MARCHF3: variants seen among roughly 807,000 people sequenced by gnomAD.
MARCHF3 encodes the protein E3 ubiquitin-protein ligase MARCHF3.
In MARCHF3, 13 loss-of-function variants were observed where a neutral mutation model predicts 24.2. That is an observed-to-expected ratio of 0.54 (90% CI 0.35 to 0.85). MARCHF3 has a LOEUF of 0.85. Among genes scored for constraint, MARCHF3 ranks in the 40% least tolerant of loss-of-function variants. MARCHF3 has a pLI of 0.01. For synonymous variants in MARCHF3, 144 were observed against 137.3 expected (o/e 1.05, Z -0.34); for missense variants, 276 against 325.0 (o/e 0.85, Z 1.16).
rs1205392314 is a variant in MARCHF3 at position 126,870,182 on chromosome 5, C to A, written c.*451G>T. Reference sequence around the variant, plus strand: ...AGAATCCATACGAGAAACTGAGAAACAAACTAACTCAAATAAGACCCAACC... The same window carrying A: ...AGAATCCATACGAGAAACTGAGAAAAAAACTAACTCAAATAAGACCCAACC... On this transcript the variant is annotated 3_prime_UTR_variant, in exon 5 of 5. Coordinates refer to ENST00000308660, the MANE Select transcript of MARCHF3 (RefSeq NM_178450.5). 6.6e-6 allele frequency: 1 copy of A among 152,656 alleles called. No individual in the cohort carries two copies. 9.5% of individuals were successfully genotyped at this position (152,656 alleles called of 1,614,324 possible). A position where few individuals can be genotyped will look rare whatever the true frequency, so the allele number is the denominator to read the frequency against.
At chr5:126,959,016 G>T (rs1750547319) in intron 1 of MARCHF3, among the ~76,000 whole-genome samples, 1 of 152,178 alleles carries the variant, frequency 6.6e-6, no homozygotes, top group South Asian at 2.1e-4. Flanking sequence ...CAAATCTCTT[G>T]TGCAGATGAA....
intron 1 of MARCHF3, among the ~76,000 whole-genome samples, chr5:126,988,777 T>C (rs1457966961): frequency 1.3e-5 from 2 of 152,200 alleles, no homozygotes; most frequent in African/African-American, 2.4e-5. Flanking sequence ...AGTAAACTAC[T>C]ATTACATCAG....
intron 1 of MARCHF3, among the ~76,000 whole-genome samples, chr5:126,961,904 C>T (rs991641143): frequency 6.6e-6 from 1 of 152,126 alleles, no homozygotes; most frequent in Non-Finnish European, 1.5e-5. Flanking sequence ...AATATAAACA[C>T]AAAGAAGAAT....
intron 1 of MARCHF3, among the ~76,000 whole-genome samples, chr5:127,012,652 A>G (rs937230653): frequency 1.3e-4 from 20 of 152,216 alleles, no homozygotes; most frequent in South Asian, 8.3e-4. Flanking sequence ...GGCAAAAACT[A>G]AAAGCTCACT....
At chr5:126,916,191 T>C (rs1302728087) in intron 2 of MARCHF3, among the ~76,000 whole-genome samples, 1 of 152,222 alleles carries the variant, frequency 6.6e-6, no homozygotes, top group African/African-American at 2.4e-5. Flanking sequence ...GGAGGTACCC[T>C]GCCCTGGGAG....
At chr5:126,897,763 G>T (rs1047486668) in intron 3 of MARCHF3, among the ~76,000 whole-genome samples, 1 of 152,046 alleles carries the variant, frequency 6.6e-6, no homozygotes, top group Admixed American at 6.6e-5. Flanking sequence ...CAGTGCACAG[G>T]GTAAGGCCTC....
intron 4 of MARCHF3, among the ~76,000 whole-genome samples, chr5:126,876,160 TCTTC>T (rs1232542417): frequency 6.6e-6 from 1 of 152,206 alleles, no homozygotes; most frequent in Admixed American, 6.5e-5. Flanking sequence ...ACCTTTCTTT[TCTTC>T]CTTTCTTCCT....
At chr5:126,878,031 T>C (rs1056754509) in intron 4 of MARCHF3, among the ~76,000 whole-genome samples, 154 bp downstream of exon 4, 7 of 151,628 alleles carry the variant, frequency 4.6e-5, no homozygotes, top group Admixed American at 3.9e-4. Context: ...CACACACACA[T>C]AGTCATAAAC....
chr5:126,915,807 C>T (rs979914996), intron 2 of MARCHF3, among the ~76,000 whole-genome samples: 1 of 152,214 alleles, frequency 6.6e-6, no homozygotes, highest in East Asian at 1.9e-4. Context: ...ACCACTCCTA[C>T]ACATTTCATA....
At chr5:126,947,333 G>A (rs1396568842) in intron 1 of MARCHF3, among the ~76,000 whole-genome samples, 3 of 152,196 alleles carry the variant, frequency 2.0e-5, no homozygotes, top group South Asian at 4.1e-4. Flanking sequence ...CCTGATAAAA[G>A]TGGCTAAAAA....
At chr5:126,906,830 T>G (rs1032546891) in intron 3 of MARCHF3, among the ~76,000 whole-genome samples, 2 of 152,180 alleles carry the variant, frequency 1.3e-5, no homozygotes, top group African/African-American at 2.4e-5. Flanking sequence ...AGTTCTGCTC[T>G]GATTTTAGTT....
intron 3 of MARCHF3, among the ~76,000 whole-genome samples, chr5:126,889,560 C>A (rs1284674091): frequency 2.0e-5 from 3 of 152,062 alleles, no homozygotes; most frequent in Non-Finnish European, 4.4e-5. Context: ...AATGTCACCA[C>A]ATGCTCCCAA....
intron 1 of MARCHF3, among the ~76,000 whole-genome samples, chr5:127,000,050 T>G (rs1427466498): frequency 6.7e-6 from 1 of 149,262 alleles, no homozygotes; most frequent in Non-Finnish European, 1.5e-5. Context: ...TTAGAATATA[T>G]AATATAGAAT....
chr5:126,894,742 T>C (rs977887567), intron 3 of MARCHF3, among the ~76,000 whole-genome samples: 1 of 152,074 alleles, frequency 6.6e-6, no homozygotes, highest in Admixed American at 6.6e-5. Context: ...ATTTCAACTT[T>C]GGTGAATCTG....
At chr5:127,023,081 T>C (rs1350416740) in intron 1 of MARCHF3, among the ~76,000 whole-genome samples, 3 of 152,244 alleles carry the variant, frequency 2.0e-5, no homozygotes, top group Non-Finnish European at 4.4e-5. Context: ...AGTGTTTACC[T>C]AAGCCATCAG....
intron 1 of MARCHF3, among the ~76,000 whole-genome samples, chr5:126,998,520 C>T (rs1279372702): frequency 6.6e-6 from 1 of 152,178 alleles, no homozygotes; most frequent in South Asian, 2.1e-4. Flanking sequence ...AAACATTCAG[C>T]ATTTCACGGC....
chr5:126,962,339 C>T (rs1750665664), intron 1 of MARCHF3, among the ~76,000 whole-genome samples: 1 of 151,996 alleles, frequency 6.6e-6, no homozygotes, highest in African/African-American at 2.4e-5. Flanking sequence ...TAAATTTCTT[C>T]ATTTGGAAAA....
At chr5:126,915,454 C>A (rs1347508341) in intron 2 of MARCHF3, among the ~76,000 whole-genome samples, 2 of 152,172 alleles carry the variant, frequency 1.3e-5, no homozygotes, top group African/African-American at 4.8e-5. Flanking sequence ...ACTACTAATC[C>A]AAAAATCATA....
At chr5:126,956,655 A>AC (rs531039599) in intron 1 of MARCHF3, among the ~76,000 whole-genome samples, 1 of 140,374 alleles carries the variant, frequency 7.1e-6, no homozygotes, top group South Asian at 2.2e-4. Context: ...CAAAAAAAAA[A>AC]AAAAAAAAAA....
Sources: gnomAD v4.1 joint callset for allele counts (sites outside exome capture counted in the v4.1 genomes callset) on GRCh38, gnomAD v4.1.1 for gene constraint, MANE v1.5 for transcripts, NCBI Gene and HGNC (gene_info 2026-07-23, HGNC 2026-07-21) for gene names.